Variants in SHC3 observed in about 807,000 individuals in gnomAD.
SHC3 encodes the protein SHC-transforming protein 3.
Under a neutral mutation model 60.4 loss-of-function variants are expected in SHC3, and 15 were observed. That is an observed-to-expected ratio of 0.25 (90% CI 0.17 to 0.38). The LOEUF (loss-of-function observed/expected upper bound fraction) is 0.38. Among genes scored for constraint, SHC3 ranks in the 10% least tolerant of loss-of-function variants. The pLI is 1.00. For synonymous variants in SHC3, 294 were observed against 325.9 expected, an observed-to-expected ratio of 0.90 and a Z score of 1.05; for missense variants, 677 against 786.1, an observed-to-expected ratio of 0.86 and a Z score of 1.66.
At position 89,116,129 on chromosome 9, in the gene SHC3, G is replaced by A. The variant is rs550876450; in HGVS notation, c.475-3503C>T. On this transcript the variant is annotated intron_variant, in intron 1 of 11. Transcript: ENST00000375835. ...GAAGGTTGCAGTATGGGACTATTAT[G>A]ACAAATTTCACAGTTATGTGAACCC... Among the ~76,000 whole-genome samples the A allele has an allele frequency of 3.3e-5, 5 of 152,232 alleles. No individual in the cohort carries two copies. In the South Asian group the frequency reaches 1.0e-3, roughly 32 times the overall value.
intron 1 of SHC3, among the ~76,000 whole-genome samples, chr9:89,162,639 C>T (rs937013330): frequency 8.4e-4 from 127 of 151,278 alleles, no homozygotes; most frequent in African/African-American, 3.0e-3. Flanking sequence ...CCATAAAAAC[C>T]CTAGAAGAAA....
chr9:89,050,162 A>C (rs1474005390), intron 7 of SHC3, among the ~76,000 whole-genome samples: 2 of 152,232 alleles, frequency 1.3e-5, no homozygotes, highest in African/African-American at 4.8e-5. Flanking sequence ...TTTTTATTAT[A>C]AAATGGTGTA....
chr9:89,176,677 A>C (rs1587772686), intron 1 of SHC3, among the ~76,000 whole-genome samples: 1 of 152,256 alleles, frequency 6.6e-6, no homozygotes, highest in African/African-American at 2.4e-5. Context: ...AACTCAACCA[A>C]ATATGCATAT....
intron 1 of SHC3, among the ~76,000 whole-genome samples, chr9:89,113,731 T>C (rs1825983242): frequency 1.3e-5 from 2 of 152,214 alleles, no homozygotes; most frequent in Non-Finnish European, 2.9e-5. Context: ...TAGAGTTATA[T>C]GACTACCACA....
intron 11 of SHC3, among the ~76,000 whole-genome samples, chr9:89,022,593 A>C (rs545235459): frequency 6.6e-6 from 1 of 152,254 alleles, no homozygotes; most frequent in African/African-American, 2.4e-5. Flanking sequence ...TAGCAAAAAA[A>C]CACAACCCTG....
Position 89,111,910 on chromosome 9 carries a change from C to T in SHC3, c.545+646G>A, listed in dbSNP as rs373909462. Among the ~76,000 whole-genome samples, 12 of 152,316 alleles carry T rather than the reference C, an allele frequency of 7.9e-5. No individual in the cohort carries two copies. The East Asian group carries it at 1.7e-3, about 22-fold the overall frequency. ...GACTCTGTCCTAGCTTTCCAATTCT[C>T]CTCTTCAAGCTGGCTTGAAACTGGC... On this transcript the variant is annotated intron_variant, in intron 2 of 11. Coordinates refer to ENST00000375835, the MANE Select transcript of SHC3 (RefSeq NM_016848.6).
chr9:89,031,488 A>G (rs1359715518), intron 11 of SHC3, among the ~76,000 whole-genome samples: 2 of 152,208 alleles, frequency 1.3e-5, no homozygotes, highest in African/African-American at 4.8e-5. Context: ...TGAATAGAAT[A>G]ATATGTGGTC....
At chr9:89,049,367 AT>A (rs1824826114) in intron 7 of SHC3, among the ~76,000 whole-genome samples, 1 of 152,208 alleles carries the variant, frequency 6.6e-6, no homozygotes. Flanking sequence ...TGTCTACTAC[AT>A]TTTCTTTCCC....
At chr9:89,111,056 T>C (rs1825940555) in intron 2 of SHC3, among the ~76,000 whole-genome samples, 1 of 152,184 alleles carries the variant, frequency 6.6e-6, no homozygotes, top group African/African-American at 2.4e-5. Context: ...CAATCATTTA[T>C]GTATACACCT....
chr9:89,116,496 C>T (rs1390665844), intron 1 of SHC3, among the ~76,000 whole-genome samples: 3 of 152,138 alleles, frequency 2.0e-5, no homozygotes, highest in East Asian at 1.9e-4. Flanking sequence ...GATACCACAA[C>T]CAAAGCTGCA....
intron 5 of SHC3, among the ~76,000 whole-genome samples, chr9:89,068,260 C>A (rs529841868): frequency 6.6e-6 from 1 of 152,180 alleles, no homozygotes; most frequent in Non-Finnish European, 1.5e-5. Context: ...TTTAACACTG[C>A]TAATTACAGT....
intron 11 of SHC3, among the ~76,000 whole-genome samples, chr9:89,024,776 G>A (rs1012118727): frequency 6.6e-6 from 1 of 152,218 alleles, no homozygotes; most frequent in South Asian, 2.1e-4. Flanking sequence ...AGCAGGGAAT[G>A]GACATCAGCA....
intron 4 of SHC3, 23 bp downstream of exon 4, chr9:89,075,086 A>G: frequency 6.2e-7 from 1 of 1,611,922 alleles, no homozygotes; most frequent in Non-Finnish European, 8.5e-7. Context: ...GGGCAGGGAC[A>G]GGGGATCTGA....
chr9:89,045,598 G>A (rs1824758912), intron 9 of SHC3, 148 bp downstream of exon 9: 5 of 698,410 alleles, frequency 7.2e-6, no homozygotes, highest in Non-Finnish European at 1.2e-5. Flanking sequence ...TATTTCTATA[G>A]TCTAGTCAGG....
At chr9:89,142,694 CG>C (rs1333377906) in intron 1 of SHC3, among the ~76,000 whole-genome samples, 1 of 144,874 alleles carries the variant, frequency 6.9e-6, no homozygotes, top group Non-Finnish European at 1.5e-5. Flanking sequence ...AAAAAAAAGG[CG>C]GGGGGTGTCT....
chr9:89,109,704 T>A (rs928151704), intron 2 of SHC3: 1 of 985,470 alleles, frequency 1.0e-6, no homozygotes, highest in South Asian at 4.7e-5. Context: ...GCACTCCAGG[T>A]TGTGATTCTC....
chr9:89,074,196 C>T (rs1372693446), intron 4 of SHC3, among the ~76,000 whole-genome samples: 4 of 152,080 alleles, frequency 2.6e-5, no homozygotes, highest in Admixed American at 1.3e-4. Context: ...GGAAGTCAAT[C>T]AACAGAAGTA....
At chr9:89,092,750 G>A (rs1446311634) in intron 2 of SHC3, among the ~76,000 whole-genome samples, 1 of 151,672 alleles carries the variant, frequency 6.6e-6, no homozygotes, top group Non-Finnish European at 1.5e-5. Flanking sequence ...GTGTGTGTGT[G>A]TGTGTGTGTG....
chr9:89,115,226 T>C (rs1271951626), intron 1 of SHC3, among the ~76,000 whole-genome samples: 1 of 152,114 alleles, frequency 6.6e-6, no homozygotes, highest in Non-Finnish European at 1.5e-5. Context: ...ACTGATAACC[T>C]CACAGATTTA....
Sources: allele counts gnomAD v4.1 joint callset (sites outside exome capture counted in the v4.1 genomes callset), GRCh38; gene constraint gnomAD v4.1.1; transcripts MANE v1.5; gene names NCBI Gene and HGNC (gene_info 2026-07-23, HGNC 2026-07-21).